Variants in ARHGAP42 observed in about 807,000 individuals in gnomAD.
ARHGAP42 encodes the protein rho GTPase-activating protein 42.
A neutral mutation model predicts 125.0 loss-of-function variants in ARHGAP42; 63 were observed. The observed-to-expected ratio is 0.50, with a 90% CI of 0.41 to 0.62. The LOEUF is 0.62. Among genes scored for constraint, ARHGAP42 ranks in the 20% least tolerant of loss-of-function variants. The probability of loss-of-function intolerance (pLI) is 0.00; values close to 1 mark genes in which losing one functional copy is unlikely to be tolerated. For missense variants in ARHGAP42, 766 were observed against 1,024.2 expected (o/e 0.75, Z 3.44); for synonymous variants, 339 against 351.0 (o/e 0.97, Z 0.38).
chr11:100,935,773 A>G (rs1372798916), intron 7 of ARHGAP42, among the ~76,000 whole-genome samples: 2 of 152,300 alleles, frequency 1.3e-5, no homozygotes, highest in Admixed American at 1.3e-4. Context: ...GGGACCCAAC[A>G]TCACAAAGAC....
chr11:100,981,625 C>G (rs1858548161), intron 22 of ARHGAP42, among the ~76,000 whole-genome samples: 1 of 152,154 alleles, frequency 6.6e-6, no homozygotes, highest in Non-Finnish European at 1.5e-5. Context: ...TCATTGAACA[C>G]AGGGGTGATC....
chr11:100,759,925 T>C (rs796188781), intron 1 of ARHGAP42, among the ~76,000 whole-genome samples: 1 of 152,282 alleles, frequency 6.6e-6, no homozygotes, highest in African/African-American at 2.4e-5. Context: ...CTGCATACCA[T>C]AAGGCACCCA....
At chr11:100,749,660 T>C (rs1307157846) in intron 1 of ARHGAP42, among the ~76,000 whole-genome samples, 1 of 152,172 alleles carries the variant, frequency 6.6e-6, no homozygotes, top group African/African-American at 2.4e-5. Context: ...GTGTTTCCGA[T>C]AGGCGTACCG....
chr11:100,951,004 C>T (rs1307156311), intron 12 of ARHGAP42, among the ~76,000 whole-genome samples: 1 of 152,048 alleles, frequency 6.6e-6, no homozygotes, highest in Non-Finnish European at 1.5e-5. Context: ...GCATGAGCCA[C>T]TGTGCCTGGC....
chr11:100,808,662 C>G (rs1422991843), intron 3 of ARHGAP42, among the ~76,000 whole-genome samples: 2 of 151,966 alleles, frequency 1.3e-5, no homozygotes, highest in Non-Finnish European at 2.9e-5. Flanking sequence ...GCCTCGGCCT[C>G]CCAAAGTGCT....
In ARHGAP42 at chr11:100,763,580, C is replaced by T. The variant is rs1002780251; in HGVS notation, c.155-6763C>T. 1.1e-4 allele frequency among the ~76,000 whole-genome samples: 17 copies of T among 152,254 alleles called. 1 individual carries two copies. The South Asian group carries it at 1.2e-3, about 11-fold the overall frequency. On this transcript the variant is annotated intron_variant, in intron 1 of 23. Transcript: ENST00000298815. Reference sequence around the variant, plus strand: ...TTGACTGGCTGCAACCTCCGCCCCCCGGGTTCAAGCAATTCTCCTGCCTCA... The same window carrying T: ...TTGACTGGCTGCAACCTCCGCCCCCTGGGTTCAAGCAATTCTCCTGCCTCA...
At chr11:100,781,531 A>G in intron 2 of ARHGAP42, among the ~76,000 whole-genome samples, 1 of 152,208 alleles carries the variant, frequency 6.6e-6, no homozygotes, top group East Asian at 1.9e-4. Flanking sequence ...CATTCACTCA[A>G]TAAATACTTA....
chr11:100,939,166 C>T (rs1867812515), intron 8 of ARHGAP42, among the ~76,000 whole-genome samples: 1 of 152,052 alleles, frequency 6.6e-6, no homozygotes, highest in Non-Finnish European at 1.5e-5. Flanking sequence ...CCGGAAGAGC[C>T]AGGGGTTCCA....
chr11:100,846,043 A>G (rs1006351073), intron 3 of ARHGAP42, among the ~76,000 whole-genome samples: 2 of 152,314 alleles, frequency 1.3e-5, no homozygotes, highest in Admixed American at 1.3e-4. Flanking sequence ...CTTCTTCAAG[A>G]TTCATTTCCA....
intron 3 of ARHGAP42, among the ~76,000 whole-genome samples, chr11:100,850,557 T>C (rs1198932971): frequency 2.6e-5 from 4 of 152,316 alleles, no homozygotes; most frequent in African/African-American, 7.2e-5. Flanking sequence ...TTATGTGTTA[T>C]GTATTTATTC....
intron 1 of ARHGAP42, among the ~76,000 whole-genome samples, chr11:100,696,065 T>C (rs1226583237): frequency 3.6e-4 from 54 of 151,960 alleles, no homozygotes; most frequent in Non-Finnish European, 5.9e-5. Context: ...CTCTACAAAG[T>C]ATACAAAAAA....
At chr11:100,937,204 T>C (rs1476001819) in intron 8 of ARHGAP42, among the ~76,000 whole-genome samples, 2 of 152,170 alleles carry the variant, frequency 1.3e-5, no homozygotes, top group Non-Finnish European at 2.9e-5. Context: ...GCTCAAGAGA[T>C]CTGGGTTTTA....
At position 100,956,704 on chromosome 11, in the gene ARHGAP42, A is replaced by G. The variant is rs189141175; in HGVS notation, c.1163-3179A>G. Among the ~76,000 whole-genome samples the G allele has an allele frequency of 2.7e-3, 418 of 152,230 alleles. 1 individual carries two copies. The highest frequency in any genetic ancestry group is 9.6e-3 in the African/African-American group (400 of 41,542). ...GAGGATATGTTTTTTCATTGTATTT[A>G]TTGGAGTATAATGAGCACATAGGGA... On this transcript the variant is annotated intron_variant, in intron 12 of 23. Transcript: ENST00000298815.
At chr11:100,780,278 G>C (rs1048767028) in intron 2 of ARHGAP42, among the ~76,000 whole-genome samples, 1 of 152,070 alleles carries the variant, frequency 6.6e-6, no homozygotes, top group Non-Finnish European at 1.5e-5. Context: ...CAGGGAGGTG[G>C]ATAGAGAGTC....
chr11:100,760,570 G>A (rs774740042), intron 1 of ARHGAP42, among the ~76,000 whole-genome samples: 15 of 151,952 alleles, frequency 9.9e-5, no homozygotes, highest in East Asian at 1.9e-4. Context: ...GTGTGGTGGC[G>A]GGCTCCTGTA....
chr11:100,733,930 GTTTTTTT>G (rs774845588), intron 1 of ARHGAP42, among the ~76,000 whole-genome samples: 1 of 113,338 alleles, frequency 8.8e-6, no homozygotes, highest in Non-Finnish European at 1.8e-5. Context: ...AAGCAAAGTT[GTTTTTTT>G]TTTTTTTTTT....
intron 6 of ARHGAP42, among the ~76,000 whole-genome samples, chr11:100,930,723 G>A (rs943232402): frequency 3.9e-5 from 6 of 152,178 alleles, no homozygotes; most frequent in African/African-American, 1.4e-4. Flanking sequence ...GCAGAGTTTA[G>A]TGGGAAATAT....
chr11:100,920,014 T>A (rs960904647), intron 5 of ARHGAP42, among the ~76,000 whole-genome samples: 12 of 152,188 alleles, frequency 7.9e-5, no homozygotes, highest in African/African-American at 2.9e-4. Flanking sequence ...AATTAATTCT[T>A]ATGTATATAG....
chr11:100,907,113 G>A (rs1271589917), intron 4 of ARHGAP42, among the ~76,000 whole-genome samples: 9 of 152,186 alleles, frequency 5.9e-5, no homozygotes, highest in Admixed American at 2.0e-4. Flanking sequence ...GTACCTAAGG[G>A]TTCCTGTGTC....
Sources: gnomAD v4.1 joint callset for allele counts (sites outside exome capture counted in the v4.1 genomes callset) on GRCh38, gnomAD v4.1.1 for gene constraint, MANE v1.5 for transcripts, NCBI Gene and HGNC (gene_info 2026-07-23, HGNC 2026-07-21) for gene names.